The following EPHA6 variants were observed in gnomAD, a reference collection of about 807,000 sequenced individuals.
The protein encoded by EPHA6 is EPH receptor A6, also known as ephrin type-A receptor 6.
EPHA6 carries 50 observed loss-of-function variants against 112.0 expected under a neutral mutation model. The observed-to-expected ratio is 0.45, with a 90% confidence interval of 0.36 to 0.56. The LOEUF (loss-of-function observed/expected upper bound fraction) is 0.56. EPHA6 is among the 20% of genes least tolerant of loss of function. EPHA6 has a pLI of 0.00. For missense variants in EPHA6, 1,280 were observed against 1,417.4 expected (o/e 0.90, Z 1.56); for synonymous variants, 529 against 490.7 (o/e 1.08, Z -1.03).
intron 11 of EPHA6, chr3:97,570,074 G>T (rs1486021551): frequency 1.3e-5 from 2 of 152,010 alleles, no homozygotes. Flanking sequence ...TAATTTTATT[G>T]CCCTAAGAAT....
At chr3:97,474,610 A>G (rs1020562940) in intron 7 of EPHA6, among the ~76,000 whole-genome samples, 31 of 151,968 alleles carry the variant, frequency 2.0e-4, no homozygotes, top group Admixed American at 6.6e-4. Flanking sequence ...TATTAATATA[A>G]AAAATTAGAA....
At chr3:97,748,559 C>A in intron 17 of EPHA6, 28 bp from the exon 18 acceptor site, 1 of 1,177,942 alleles carries the variant, frequency 8.5e-7, no homozygotes, top group Non-Finnish European at 1.3e-6. Flanking sequence ...CACTCTCGCT[C>A]TCACTCTTGC....
intron 2 of EPHA6, among the ~76,000 whole-genome samples, chr3:96,938,199 A>G (rs2040714076): frequency 6.6e-6 from 1 of 152,156 alleles, no homozygotes; most frequent in South Asian, 2.1e-4. Context: ...TACCTTGGGC[A>G]GTATGGCCAT....
intron 5 of EPHA6, among the ~76,000 whole-genome samples, chr3:97,350,636 A>G (rs777513578): frequency 1.3e-5 from 2 of 152,122 alleles, no homozygotes; most frequent in Non-Finnish European, 2.9e-5. Context: ...CTTCTTTTTT[A>G]TATATAACAG....
At chr3:97,336,125 C>A (rs12637122) in intron 5 of EPHA6, among the ~76,000 whole-genome samples, 1 of 152,052 alleles carries the variant, frequency 6.6e-6, no homozygotes, top group Non-Finnish European at 1.5e-5. Context: ...TCCTAAAGCA[C>A]AATTTCTAAT....
intron 3 of EPHA6, among the ~76,000 whole-genome samples, chr3:97,102,366 A>G (rs1162920053): frequency 1.3e-5 from 2 of 152,092 alleles, no homozygotes; most frequent in African/African-American, 4.8e-5. Context: ...CCTGACCTAC[A>G]GAACTGCGAG....
At chr3:97,094,514 A>G (rs1228343221) in intron 3 of EPHA6, among the ~76,000 whole-genome samples, 1 of 152,164 alleles carries the variant, frequency 6.6e-6, no homozygotes, top group Non-Finnish European at 1.5e-5. Context: ...GTGTTGTTGC[A>G]TTAGTTTAAC....
chr3:97,691,260 C>T (rs1287303445), intron 14 of EPHA6, among the ~76,000 whole-genome samples: 3 of 152,084 alleles, frequency 2.0e-5, no homozygotes, highest in Non-Finnish European at 4.4e-5. Flanking sequence ...TATTTGTATC[C>T]ATTTAGTTTT....
At chr3:96,989,745 G>T (rs1192745547) in intron 3 of EPHA6, among the ~76,000 whole-genome samples, 1 of 152,014 alleles carries the variant, frequency 6.6e-6, no homozygotes, top group Middle Eastern at 3.2e-3. Flanking sequence ...AGGGGAAAGT[G>T]CCACACACTT....
At chr3:97,365,038 A>G (rs975718809) in intron 5 of EPHA6, among the ~76,000 whole-genome samples, 2 of 152,218 alleles carry the variant, frequency 1.3e-5, no homozygotes, top group African/African-American at 2.4e-5. Context: ...CACATTATCA[A>G]TAACTTAGTA....
chr3:97,523,778 T>G (rs962638268), intron 10 of EPHA6, among the ~76,000 whole-genome samples: 3 of 152,044 alleles, frequency 2.0e-5, no homozygotes, highest in Admixed American at 2.0e-4. Context: ...TTTAATGAAC[T>G]GACCCTTTTG....
chr3:97,271,034 C>T (rs2079860016), intron 5 of EPHA6, among the ~76,000 whole-genome samples: 2 of 152,172 alleles, frequency 1.3e-5, no homozygotes, highest in South Asian at 4.1e-4. Flanking sequence ...AATCCAGGCA[C>T]TCATTAACCC....
chr3:96,937,388 G>T (rs1397597895), intron 2 of EPHA6, among the ~76,000 whole-genome samples: 1 of 151,904 alleles, frequency 6.6e-6, no homozygotes, highest in Non-Finnish European at 1.5e-5. Context: ...TGTGTTTTTT[G>T]GCTGCATAAA....
chr3:96,831,669 T>C (rs971747329), intron 1 of EPHA6, among the ~76,000 whole-genome samples: 1 of 152,090 alleles, frequency 6.6e-6, no homozygotes, highest in Non-Finnish European at 1.5e-5. Context: ...GGCATTCTTA[T>C]ATGATTTATT....
Position 96,909,737 on chromosome 3 carries a change from G to A in EPHA6, c.450+42848G>A, listed in dbSNP as rs547967275. ...TCAGTATATATTGTTATATAAATGA[G>A]TGAGTGAAGCCAAAAGACATATTAA... On this transcript the variant is annotated intron_variant, in intron 2 of 17. Transcript: ENST00000389672. Among the ~76,000 whole-genome samples, 13 of 152,060 alleles carry A rather than the reference G, an allele frequency of 8.5e-5. No individual in the cohort carries two copies. In the South Asian group the frequency reaches 2.5e-3, roughly 29 times the overall value.
intron 3 of EPHA6, among the ~76,000 whole-genome samples, chr3:97,200,839 G>A (rs1219690506): frequency 1.3e-5 from 2 of 152,108 alleles, no homozygotes; most frequent in East Asian, 3.9e-4. Context: ...TTAATACAAG[G>A]CCAATGTGGA....
intron 5 of EPHA6, among the ~76,000 whole-genome samples, chr3:97,328,289 G>C (rs1357836247): frequency 1.3e-5 from 2 of 151,776 alleles, no homozygotes; most frequent in Non-Finnish European, 2.9e-5. Context: ...CTAATTTCCA[G>C]AGTGCCTATA....
chr3:97,204,234 A>G (rs2077655438), intron 3 of EPHA6, among the ~76,000 whole-genome samples: 1 of 152,080 alleles, frequency 6.6e-6, no homozygotes, highest in African/African-American at 2.4e-5. Context: ...TAGTTAATTA[A>G]TTTCCTATGT....
At chr3:97,330,761 C>T (rs7642674) in intron 5 of EPHA6, among the ~76,000 whole-genome samples, 2,709 of 152,124 alleles carry the variant, frequency 0.018, 70 homozygotes, top group African/African-American at 0.062. Context: ...CCTTAGAGAC[C>T]TACAAAGTGA....
Sources: allele counts gnomAD v4.1 joint callset (sites outside exome capture counted in the v4.1 genomes callset), GRCh38; gene constraint gnomAD v4.1.1; transcripts MANE v1.5; gene names NCBI Gene and HGNC (gene_info 2026-07-23, HGNC 2026-07-21).